The following CTNND2 variants were observed in gnomAD, a reference collection of about 807,000 sequenced individuals.
CTNND2 encodes catenin delta 2, also known as catenin delta-2.
In CTNND2, 22 loss-of-function variants were observed where a neutral mutation model predicts 144.4. That is an observed-to-expected ratio of 0.15 (90% CI 0.11 to 0.22). The LOEUF (loss-of-function observed/expected upper bound fraction) is 0.22. CTNND2 is among the 10% of genes least tolerant of loss of function. CTNND2 has a pLI of 1.00. For missense variants in CTNND2, 1,353 were observed against 1,618.8 expected (o/e 0.84, Z 2.82); for synonymous variants, 751 against 695.6 (o/e 1.08, Z -1.25).
At position 11,607,714 on chromosome 5, in the gene CTNND2, T is replaced by C. The variant is rs572003345; in HGVS notation, c.175-42658A>G. Among the ~76,000 whole-genome samples the C allele has an allele frequency of 1.5e-4, 23 of 152,326 alleles. No individual in the cohort carries two copies. In the South Asian group the frequency reaches 4.6e-3, roughly 30 times the overall value. ...GCATTTATTCAAATATTATATTACT[T>C]AACTTAGACCTGTTAATAATGTCAA... On this transcript the variant is annotated intron_variant, in intron 2 of 21. Transcript: ENST00000304623.
chr5:11,573,442 T>G (rs1777734568), intron 2 of CTNND2, among the ~76,000 whole-genome samples: 1 of 152,120 alleles, frequency 6.6e-6, no homozygotes, highest in Admixed American at 6.6e-5. Flanking sequence ...AATGTTAATT[T>G]TACCCCACTG....
At chr5:11,305,643 T>C (rs774069936) in intron 9 of CTNND2, among the ~76,000 whole-genome samples, 58 of 152,286 alleles carry the variant, frequency 3.8e-4, no homozygotes, top group Admixed American at 2.5e-3. Context: ...ACAGGGCTGC[T>C]ACGGGAAATA....
At chr5:11,809,071 C>A (rs188508019) in intron 1 of CTNND2, among the ~76,000 whole-genome samples, 4 of 152,088 alleles carry the variant, frequency 2.6e-5, no homozygotes, top group African/African-American at 9.7e-5. Flanking sequence ...TTGAGCATTG[C>A]GCAAAATTCT....
intron 16 of CTNND2, chr5:11,027,071 G>A (rs953594487): frequency 7.2e-5 from 11 of 152,178 alleles, no homozygotes; most frequent in African/African-American, 4.8e-5. Context: ...GAGACAAGCA[G>A]GTCATCAGGT....
chr5:11,049,618 G>C (rs1191165171), intron 16 of CTNND2, among the ~76,000 whole-genome samples: 2 of 152,164 alleles, frequency 1.3e-5, no homozygotes, highest in Admixed American at 1.3e-4. Context: ...CATTGTAGGT[G>C]AGTGTATCTA....
At chr5:11,363,255 T>C (rs144019749) in intron 8 of CTNND2, among the ~76,000 whole-genome samples, 97 of 152,328 alleles carry the variant, frequency 6.4e-4, no homozygotes, top group African/African-American at 1.9e-3. Flanking sequence ...TTTTTTCTTA[T>C]GTAGCTAATT....
Position 11,384,644 on chromosome 5 carries a change from C to T in CTNND2, c.1177+21G>A. On this transcript the variant is annotated intron_variant, in intron 7 of 21. Transcript: ENST00000304623. The surrounding 1 kb of genome is among the most constrained non-coding windows in gnomAD (Gnocchi z 5.2). ...CGCCACGCGCCCAGGTGAGTCGCGC[C>T]AGGTGGCAGCGAGCCTTTACCTGCC... The T allele has an allele frequency of 1.3e-6, 2 of 1,586,890 alleles. No individual in the cohort carries two copies. Among genetic ancestry groups the T allele is most frequent in the Non-Finnish European group, 1.7e-6 (2 of 1,173,182 alleles).
intron 3 of CTNND2, among the ~76,000 whole-genome samples, chr5:11,492,839 G>C (rs932048381): frequency 6.6e-6 from 1 of 152,050 alleles, no homozygotes; most frequent in African/African-American, 2.4e-5. Context: ...GGGATGCTGA[G>C]GGGGGCAGAT....
chr5:11,555,696 G>A (rs1776173790), intron 3 of CTNND2, among the ~76,000 whole-genome samples: 1 of 125,440 alleles, frequency 8.0e-6, no homozygotes, highest in African/African-American at 2.7e-5. Flanking sequence ...ACTACATGAG[G>A]TTAGAATTAA....
intron 1 of CTNND2, among the ~76,000 whole-genome samples, chr5:11,856,187 G>C (rs974018318): frequency 6.6e-6 from 1 of 152,164 alleles, no homozygotes; most frequent in Admixed American, 6.5e-5. Context: ...TTCAGATACA[G>C]AAAGAATGAA....
chr5:11,768,094 A>G (rs1789701979), intron 1 of CTNND2, among the ~76,000 whole-genome samples: 2 of 152,090 alleles, frequency 1.3e-5, no homozygotes, highest in Admixed American at 1.3e-4. Context: ...AGCATTCAGC[A>G]TGAAAAAGCT....
chr5:11,446,530 A>G (rs1764817622), intron 3 of CTNND2, among the ~76,000 whole-genome samples: 1 of 152,158 alleles, frequency 6.6e-6, no homozygotes, highest in Admixed American at 6.5e-5. Flanking sequence ...CATGTCTTCA[A>G]GAGTGTGGAG....
chr5:11,796,015 C>A (rs1029024552), intron 1 of CTNND2, among the ~76,000 whole-genome samples: 1 of 152,192 alleles, frequency 6.6e-6, no homozygotes, highest in Non-Finnish European at 1.5e-5. Context: ...TGGCTCCTGG[C>A]CTCCTACCTC....
intron 3 of CTNND2, among the ~76,000 whole-genome samples, chr5:11,517,416 C>G (rs548539658): frequency 6.6e-6 from 1 of 152,168 alleles, no homozygotes; most frequent in Non-Finnish European, 1.5e-5. Context: ...AACACTAATT[C>G]AAGTGATTCT....
At chr5:11,896,426 G>A (rs1737398068) in intron 1 of CTNND2, among the ~76,000 whole-genome samples, 1 of 152,078 alleles carries the variant, frequency 6.6e-6, no homozygotes, top group Non-Finnish European at 1.5e-5. Flanking sequence ...CAATGAGCAT[G>A]CACTACTTTT....
At chr5:11,018,345 T>A (rs2149532831) in intron 17 of CTNND2, among the ~76,000 whole-genome samples, 1 of 152,214 alleles carries the variant, frequency 6.6e-6, no homozygotes, top group Admixed American at 6.5e-5. Context: ...CAAAACAATG[T>A]AGAAATTAGG....
intron 2 of CTNND2, among the ~76,000 whole-genome samples, chr5:11,613,402 C>T (rs1220956501): frequency 1.3e-5 from 2 of 152,068 alleles, no homozygotes; most frequent in African/African-American, 2.4e-5. Flanking sequence ...TGTAAGCAAA[C>T]CCTGATGCTT....
chr5:11,545,572 A>G (rs1290623729), intron 3 of CTNND2, among the ~76,000 whole-genome samples: 2 of 146,744 alleles, frequency 1.4e-5, no homozygotes, highest in Non-Finnish European at 3.0e-5. Context: ...TGAAGGCAGG[A>G]GAATTGCTTG....
At chr5:11,004,176 C>A (rs1414417186) in intron 18 of CTNND2, among the ~76,000 whole-genome samples, 1 of 152,140 alleles carries the variant, frequency 6.6e-6, no homozygotes, top group Non-Finnish European at 1.5e-5. Context: ...GAAATAAGAC[C>A]ATATCAGTCC....
Sources: allele counts gnomAD v4.1 joint callset (sites outside exome capture counted in the v4.1 genomes callset), GRCh38; gene constraint gnomAD v4.1.1; non-coding constraint Gnocchi (gnomAD v3.1); transcripts MANE v1.5; gene names NCBI Gene and HGNC (gene_info 2026-07-23, HGNC 2026-07-21).